DOCK4: variants seen among roughly 807,000 people sequenced by gnomAD.
The protein encoded by DOCK4 is dedicator of cytokinesis protein 4.
A neutral mutation model predicts 268.1 loss-of-function variants in DOCK4; 97 were observed. That is an observed-to-expected ratio of 0.36 (90% CI 0.31 to 0.43). The LOEUF (loss-of-function observed/expected upper bound fraction) is 0.43, where lower values mean the gene tolerates loss of function less well. Among genes scored for constraint, DOCK4 ranks in the 20% least tolerant of loss-of-function variants. DOCK4 has a pLI of 1.00. For missense variants in DOCK4, 2,145 were observed against 2,455.7 expected, an observed-to-expected ratio of 0.87 and a Z score of 2.67; for synonymous variants, 954 against 887.2, an observed-to-expected ratio of 1.08 and a Z score of -1.34.
intron 1 of DOCK4, among the ~76,000 whole-genome samples, chr7:112,018,414 C>T (rs1802042888): frequency 6.6e-6 from 1 of 152,074 alleles, no homozygotes; most frequent in Admixed American, 6.6e-5. Context: ...ATGAACATTA[C>T]CAACTCAGCA....
At chr7:111,844,929 A>G in intron 24 of DOCK4, 32 bp from the exon 25 acceptor site, 1 of 1,586,092 alleles carries the variant, frequency 6.3e-7, no homozygotes, top group Non-Finnish European at 8.6e-7. Context: ...TGTTCAGGAA[A>G]CTGGGGTTTA....
In DOCK4 at chr7:112,018,143, CAAAAAAAAAAAAAAAAAAAAA is replaced by C. The variant is rs140883588; in HGVS notation, c.38-14033_38-14013del. Among the ~76,000 whole-genome samples, 6 of 20,632 alleles carry C rather than the reference CAAAAAAAAAAAAAAAAAAAAA, an allele frequency of 2.9e-4. 1 individual carries two copies. Among genetic ancestry groups the C allele is most frequent in the South Asian group, 6.5e-3 (2 of 306 alleles). The allele number at this position is 20,632 out of a possible 152,430, so 13.5% of individuals were successfully genotyped here. ...TGGGCAACACAGCAAGACTCCAGCT[CAAAAAAAAAAAAAAAAAAAAA>C]AAAAAAAAAAAAAAAACACAGGCAA... On this transcript the variant is annotated intron_variant, in intron 1 of 52. Coordinates refer to ENST00000428084, the MANE Select transcript of DOCK4 (RefSeq NM_001363540.2).
chr7:111,939,882 C>A (rs942769803), intron 11 of DOCK4, among the ~76,000 whole-genome samples: 4 of 152,224 alleles, frequency 2.6e-5, no homozygotes, highest in Non-Finnish European at 5.9e-5. Flanking sequence ...GTCTACCTAA[C>A]TGGTAAACTG....
intron 1 of DOCK4, among the ~76,000 whole-genome samples, chr7:112,159,058 C>T (rs1816857853): frequency 1.3e-5 from 2 of 152,160 alleles, no homozygotes; most frequent in African/African-American, 2.4e-5. Flanking sequence ...AACAGTTGGT[C>T]ACAATTTATA....
intron 1 of DOCK4, among the ~76,000 whole-genome samples, chr7:112,149,054 T>TA (rs1367560548): frequency 6.6e-6 from 1 of 152,178 alleles, no homozygotes; most frequent in Non-Finnish European, 1.5e-5. Context: ...TTTGAACTTT[T>TA]AAAAAATACC....
chr7:111,936,523 TGGATGGAC>T (rs928058568), intron 11 of DOCK4, among the ~76,000 whole-genome samples: 3 of 151,324 alleles, frequency 2.0e-5, no homozygotes, highest in African/African-American at 7.3e-5. Context: ...GATGGATGGA[TGGATGGAC>T]GGATGGATGG....
intron 42 of DOCK4, among the ~76,000 whole-genome samples, chr7:111,749,895 C>T (rs1341798211): frequency 4.6e-5 from 7 of 152,182 alleles, no homozygotes; most frequent in East Asian, 1.9e-4. Context: ...AGGGTGTAAA[C>T]GATATATCCC....
In DOCK4 at chr7:111,868,093, C is replaced by T. The variant is rs762359330; in HGVS notation, c.2171G>A (p.Gly724Asp). Reference protein sequence around the residue: ...QSRRLFSLATGGQNEEEFRCC... With the variant: ...QSRRLFSLATDGQNEEEFRCC... ...GCGGAACTCCTCTTCGTTTTGCCCA[C>T]CAGTGGCAAGGGAAAACAGCCTTCG... is the stretch of plus-strand genomic sequence containing the variant. Residue 724 changes from glycine (G) to aspartate (D), a missense_variant, in exon 22 of 53, where the codon GGT becomes GAT. This residue lies in a region of DOCK4 where 1,598 missense variants were observed against 1,986.7 expected (regional missense o/e 0.80). Coordinates refer to ENST00000428084, the MANE Select transcript of DOCK4 (RefSeq NM_001363540.2). 1 of 1,613,364 alleles carries T rather than the reference C, an allele frequency of 6.2e-7. No homozygotes were observed. The highest frequency in any genetic ancestry group is 1.3e-5 in the African/African-American group (1 of 74,984).
intron 31 of DOCK4, 49 bp downstream of exon 31, chr7:111,790,408 C>T (rs973872617): frequency 6.3e-7 from 1 of 1,596,694 alleles, no homozygotes; most frequent in Non-Finnish European, 8.5e-7. Context: ...ACAGATGCTT[C>T]AGGAGAGCTG....
In DOCK4 at chr7:112,020,676, C is replaced by T. The variant is rs1802236562; in HGVS notation, c.38-16545G>A. On this transcript the variant is annotated intron_variant, in intron 1 of 52. Transcript: ENST00000428084. ...TTTCTATGCCAAAGAGTCACTGGTA[C>T]CCTAAAAGTAAAAAAAAAAAAAAAA... Among the ~76,000 whole-genome samples the T allele has an allele frequency of 2.7e-5, 3 of 112,094 alleles. No homozygotes were observed. The South Asian group carries it at 9.5e-4, about 36-fold the overall frequency. 73.5% of individuals were successfully genotyped at this position (112,094 alleles called of 152,430 possible).
intron 17 of DOCK4, among the ~76,000 whole-genome samples, chr7:111,875,378 A>T (rs1012080872): frequency 2.6e-5 from 4 of 152,232 alleles, no homozygotes; most frequent in Admixed American, 2.6e-4. Flanking sequence ...CCTAAACTCT[A>T]CAACTAGCAC....
At chr7:111,769,753 C>A in intron 36 of DOCK4, 76 bp from the exon 37 acceptor site, 2 of 1,494,476 alleles carry the variant, frequency 1.3e-6, no homozygotes, top group Admixed American at 2.4e-5. Flanking sequence ...CAGTTTCCGA[C>A]AAACTGGGGA....
chr7:111,758,158 C>T (rs373785031), intron 41 of DOCK4, among the ~76,000 whole-genome samples: 14 of 152,322 alleles, frequency 9.2e-5, no homozygotes, highest in African/African-American at 2.9e-4. Flanking sequence ...ACTTACCCAA[C>T]GTACCAGCAG....
chr7:112,040,619 AT>A (rs1424140265), intron 1 of DOCK4, among the ~76,000 whole-genome samples: 2 of 152,184 alleles, frequency 1.3e-5, no homozygotes, highest in African/African-American at 4.8e-5. Context: ...CAACACACAC[AT>A]TTCAGTAAGT....
At chr7:111,856,417 T>G (rs1563598240) in intron 23 of DOCK4, among the ~76,000 whole-genome samples, 1 of 152,224 alleles carries the variant, frequency 6.6e-6, no homozygotes, top group Non-Finnish European at 1.5e-5. Flanking sequence ...AACTATTAAT[T>G]TTATCTTTGC....
At chr7:111,915,638 C>T (rs1014660272) in intron 13 of DOCK4, 141 bp downstream of exon 13, 4 of 721,488 alleles carry the variant, frequency 5.5e-6, no homozygotes, top group South Asian at 5.2e-5. Flanking sequence ...AATGTGCTTA[C>T]TTACAGTCAC....
chr7:111,891,926 G>C (rs1360530067), intron 16 of DOCK4, among the ~76,000 whole-genome samples: 1 of 111,488 alleles, frequency 9.0e-6, no homozygotes, highest in Non-Finnish European at 1.7e-5. Context: ...GATAACTCTT[G>C]GTCAGTCAGG....
At chr7:112,181,901 C>A (rs964048976) in intron 1 of DOCK4, among the ~76,000 whole-genome samples, 3 of 152,140 alleles carry the variant, frequency 2.0e-5, no homozygotes. Context: ...GGCACCTGTA[C>A]CCAAAGGGAT....
rs970775104 is a variant in DOCK4, at chr7:112,199,715, A to G, written c.37+6387T>C. ...TAAAAAAAGGTACAAAAGAATAGTG[A>G]GTGGTAAACCTACAACTGGCAAAGT... On this transcript the variant is annotated intron_variant, in intron 1 of 52. Transcript: ENST00000428084. 2.0e-5 allele frequency among the ~76,000 whole-genome samples: 3 copies of G among 152,238 alleles called. No homozygotes were observed. The South Asian group carries it at 6.2e-4, about 31-fold the overall frequency.
Sources: gnomAD v4.1 joint callset for allele counts (sites outside exome capture counted in the v4.1 genomes callset) on GRCh38, gnomAD v4.1.1 for gene constraint, gnomAD v4.1.1 regional missense constraint, MANE v1.5 for transcripts, NCBI Gene and HGNC (gene_info 2026-07-23, HGNC 2026-07-21) for gene names.